The following FHAD1 variants were observed in gnomAD, a reference collection of about 807,000 sequenced individuals.
The protein encoded by FHAD1 is forkhead-associated domain-containing protein 1.
FHAD1 carries 146 observed loss-of-function variants against 191.3 expected under a neutral mutation model. The ratio of observed to expected loss-of-function variants is 0.76; its 90% CI spans 0.67 to 0.88. The LOEUF (loss-of-function observed/expected upper bound fraction) is 0.88. FHAD1 is among the 40% of genes least tolerant of loss of function. The probability of loss-of-function intolerance (pLI) is 0.00; values close to 1 mark genes in which losing one functional copy is unlikely to be tolerated. For synonymous variants in FHAD1, 616 were observed against 672.3 expected, an observed-to-expected ratio of 0.92 and a Z score of 1.29; for missense variants, 1,635 against 1,785.8, an observed-to-expected ratio of 0.92 and a Z score of 1.52.
At chr1:15,390,589 G>C (rs1416330968) in intron 32 of FHAD1, among the ~76,000 whole-genome samples, 3 of 152,078 alleles carry the variant, frequency 2.0e-5, no homozygotes, top group Non-Finnish European at 4.4e-5. Flanking sequence ...ATCTCTGAGA[G>C]GGGGGCCCAG....
At chr1:15,313,300 C>A in intron 8 of FHAD1, 113 bp downstream of exon 8, 1 of 715,176 alleles carries the variant, frequency 1.4e-6, no homozygotes, top group Non-Finnish European at 1.9e-6. Flanking sequence ...AATTTCATTC[C>A]TTCCTCTCAC....
chr1:15,401,751 A>G (rs1027722125), downstream of FHAD1, among the ~76,000 whole-genome samples: 1 of 152,176 alleles, frequency 6.6e-6, no homozygotes, highest in African/African-American at 2.4e-5. Flanking sequence ...TAATAACGCT[A>G]ATGCATGCCT....
intron 27 of FHAD1, 99 bp downstream of exon 27, chr1:15,374,730 A>G (rs1230430255): frequency 1.4e-6 from 2 of 1,450,558 alleles, no homozygotes; most frequent in African/African-American, 1.4e-5. Context: ...TATCTGCATC[A>G]TCCCAGAACT....
chr1:15,308,813 A>C, intron 7 of FHAD1, 77 bp downstream of exon 7: 1 of 1,537,098 alleles, frequency 6.5e-7, no homozygotes, highest in South Asian at 1.2e-5. Context: ...ATCACCAATC[A>C]ACCACATACT....
intron 14 of FHAD1, among the ~76,000 whole-genome samples, chr1:15,336,087 C>A (rs1212145287): frequency 6.6e-6 from 1 of 152,186 alleles, no homozygotes; most frequent in Non-Finnish European, 1.5e-5. Flanking sequence ...AACGCACCAA[C>A]CCAACCCTGT....
intron 32 of FHAD1, among the ~76,000 whole-genome samples, chr1:15,388,653 T>C (rs1702964701): frequency 6.6e-6 from 1 of 151,796 alleles, no homozygotes; most frequent in Non-Finnish European, 1.5e-5. Context: ...CATAAGCACT[T>C]CTACCCCCGC....
At chr1:15,272,584 C>A in intron 3 of FHAD1, 55 bp downstream of exon 3, 1 of 1,471,092 alleles carries the variant, frequency 6.8e-7, no homozygotes, top group Non-Finnish European at 9.2e-7. Flanking sequence ...TGCAGCCCGG[C>A]GCTCGGATGC....
chr1:15,263,170 AG>A (rs1454150162), intron 2 of FHAD1, among the ~76,000 whole-genome samples: 1 of 151,940 alleles, frequency 6.6e-6, no homozygotes, highest in African/African-American at 2.4e-5. Context: ...GTTACTGTTG[AG>A]TTGTGGGGTT....
intron 19 of FHAD1, among the ~76,000 whole-genome samples, chr1:15,349,928 C>T (rs1172595570): frequency 6.6e-6 from 1 of 152,160 alleles, no homozygotes. Context: ...AGCCTGGACA[C>T]CCAGGTCACA....
chr1:15,342,884 C>T (rs1687321612), intron 16 of FHAD1, among the ~76,000 whole-genome samples: 1 of 151,998 alleles, frequency 6.6e-6, no homozygotes, highest in African/African-American at 2.4e-5. Flanking sequence ...TGGTCTTGAA[C>T]TCCTGGGCTC....
chr1:15,303,182 G>C (rs1044869779), intron 6 of FHAD1, among the ~76,000 whole-genome samples: 6 of 152,178 alleles, frequency 3.9e-5, no homozygotes, highest in African/African-American at 1.4e-4. Flanking sequence ...GGACAGAGTA[G>C]ACAACAAAAC....
chr1:15,266,064 C>T (rs1653362081), intron 2 of FHAD1, among the ~76,000 whole-genome samples: 1 of 151,198 alleles, frequency 6.6e-6, no homozygotes, highest in African/African-American at 2.4e-5. Context: ...GGAAGCATTT[C>T]CCAAAGGGCG....
chr1:15,237,601 AC>A (rs1210266067), intron 1 of FHAD1, among the ~76,000 whole-genome samples: 1 of 152,112 alleles, frequency 6.6e-6, no homozygotes, highest in African/African-American at 2.4e-5. Flanking sequence ...CAGGAACATT[AC>A]TGTCCCCCTT....
chr1:15,305,016 T>G (rs1670013839), intron 6 of FHAD1, among the ~76,000 whole-genome samples: 1 of 152,140 alleles, frequency 6.6e-6, no homozygotes. Context: ...GATGAGATGA[T>G]TAACAGGGAT....
At chr1:15,345,745 A>G in intron 18 of FHAD1, 2 of 580,650 alleles carry the variant, frequency 3.4e-6, no homozygotes, top group Non-Finnish European at 3.1e-6. Context: ...TAAACAGTGT[A>G]AAACACAGTC....
At chr1:15,291,110 T>G (rs1664590042) in intron 4 of FHAD1, among the ~76,000 whole-genome samples, 2 of 62,862 alleles carry the variant, frequency 3.2e-5, no homozygotes, top group East Asian at 5.5e-4. Context: ...TACTATACTC[T>G]TTTTTTTTTT....
At chr1:15,248,582 T>TA (rs1320805239) in intron 1 of FHAD1, among the ~76,000 whole-genome samples, 1 of 150,998 alleles carries the variant, frequency 6.6e-6, no homozygotes, top group African/African-American at 2.4e-5. Context: ...AGATGACCTT[T>TA]TTTTTTTTTT....
chr1:15,358,518 A>T (rs570152268), intron 21 of FHAD1, among the ~76,000 whole-genome samples: 1 of 152,380 alleles, frequency 6.6e-6, no homozygotes, highest in East Asian at 1.9e-4. Context: ...ATCACCAAAA[A>T]TGTCTTCAGA....
At chr1:15,313,685 A>G (rs1351135888) in intron 8 of FHAD1, among the ~76,000 whole-genome samples, 1 of 152,232 alleles carries the variant, frequency 6.6e-6, no homozygotes, top group Non-Finnish European at 1.5e-5. Flanking sequence ...AAGTGCAGTT[A>G]GACAGACTTT....
Sources: gnomAD v4.1 joint callset for allele counts (sites outside exome capture counted in the v4.1 genomes callset) on GRCh38, gnomAD v4.1.1 for gene constraint, MANE v1.5 for transcripts, NCBI Gene and HGNC (gene_info 2026-07-23, HGNC 2026-07-21) for gene names.